Variants in GPHN observed in about 807,000 individuals in gnomAD.
The protein encoded by GPHN is gephyrin.
In GPHN, 17 loss-of-function variants were observed where a neutral mutation model predicts 95.5. The ratio of observed to expected loss-of-function variants is 0.18; its 90% confidence interval spans 0.12 to 0.27. GPHN has a LOEUF of 0.27. Among genes scored for constraint, GPHN ranks in the 10% least tolerant of loss-of-function variants. GPHN has a pLI of 1.00. For synonymous variants in GPHN, 320 were observed against 322.5 expected, an observed-to-expected ratio of 0.99 and a Z score of 0.08; for missense variants, 660 against 978.1, an observed-to-expected ratio of 0.67 and a Z score of 4.34.
the GPHN span, among the ~76,000 whole-genome samples, chr14:67,521,253 A>G: frequency 6.6e-6 from 1 of 152,270 alleles, no homozygotes. Context: ...TTACAAAGTC[A>G]GACTTCTGTA....
chr14:67,144,796 C>T (rs1260405663), intron 18 of GPHN, among the ~76,000 whole-genome samples: 2 of 152,182 alleles, frequency 1.3e-5, no homozygotes, highest in African/African-American at 4.8e-5. Context: ...AGAAGAATGC[C>T]TGCCTTCCAT....
At chr14:66,567,436 A>G (rs1407062740) in intron 1 of GPHN, among the ~76,000 whole-genome samples, 1 of 152,208 alleles carries the variant, frequency 6.6e-6, no homozygotes, top group Non-Finnish European at 1.5e-5. Context: ...TGATAGATCT[A>G]GGATTGTTAT....
the GPHN span, among the ~76,000 whole-genome samples, chr14:67,464,548 T>C: frequency 6.6e-6 from 1 of 152,134 alleles, no homozygotes; most frequent in Non-Finnish European, 1.5e-5. Flanking sequence ...CAGCCTTTTA[T>C]CTGTACCTCA....
chr14:67,609,813 G>T, the GPHN span, among the ~76,000 whole-genome samples: 1 of 152,134 alleles, frequency 6.6e-6, no homozygotes, highest in African/African-American at 2.4e-5. Context: ...GTGGGGATCC[G>T]CTAGGGGCTG....
intron 1 of GPHN, among the ~76,000 whole-genome samples, chr14:66,542,620 A>G (rs1233046753): frequency 6.6e-6 from 1 of 152,134 alleles, no homozygotes. Flanking sequence ...CTATGTCATA[A>G]AGTTTTTTCA....
At chr14:67,028,040 C>T (rs1323216318) in intron 10 of GPHN, among the ~76,000 whole-genome samples, 2 of 152,098 alleles carry the variant, frequency 1.3e-5, no homozygotes, top group Non-Finnish European at 2.9e-5. Flanking sequence ...CCACACCATC[C>T]TTCCCAGCCT....
intron 8 of GPHN, among the ~76,000 whole-genome samples, chr14:66,957,813 C>T (rs1396445980): frequency 3.9e-5 from 6 of 152,132 alleles, no homozygotes; most frequent in Non-Finnish European, 7.3e-5. Flanking sequence ...TGAGCAGCAG[C>T]GGGCAAGCAA....
the GPHN span, among the ~76,000 whole-genome samples, chr14:67,725,474 A>C: frequency 6.6e-6 from 1 of 152,198 alleles, no homozygotes; most frequent in African/African-American, 2.4e-5. Context: ...GGAATGTCGG[A>C]GGTGTTAGCT....
intron 18 of GPHN, among the ~76,000 whole-genome samples, chr14:67,148,081 G>A (rs1193702971): frequency 3.9e-5 from 6 of 152,130 alleles, no homozygotes; most frequent in African/African-American, 1.2e-4. Flanking sequence ...ATGAAGACCT[G>A]AGAAACTACT....
rs1406008173 is a variant in GPHN, at chr14:66,886,450, A to G, written c.389+6417A>G. 3.9e-5 allele frequency among the ~76,000 whole-genome samples: 6 copies of G among 152,144 alleles called. No individual in the cohort carries two copies. The East Asian group carries it at 9.6e-4, about 24-fold the overall frequency. The stretch of plus-strand genomic sequence containing the variant: ...CTCTCTGCACATGTTCATCATGACA[A>G]TGTACTCAGGAGTTCTAAGTCATGA... On this transcript the variant is annotated intron_variant, in intron 5 of 22. Transcript: ENST00000478722.
chr14:67,327,132 G>A, the GPHN span, among the ~76,000 whole-genome samples: 6 of 152,148 alleles, frequency 3.9e-5, no homozygotes, highest in East Asian at 3.9e-4. Context: ...CCGGGATTGC[G>A]CCACTGCACT....
intron 8 of GPHN, among the ~76,000 whole-genome samples, chr14:66,944,135 G>T (rs566178994): frequency 5.9e-5 from 9 of 152,136 alleles, no homozygotes; most frequent in African/African-American, 2.2e-4. Flanking sequence ...TAATTAAGCC[G>T]AGCACTCTTT....
chr14:66,904,234 A>T (rs907006453), intron 5 of GPHN, among the ~76,000 whole-genome samples: 2 of 152,124 alleles, frequency 1.3e-5, no homozygotes, highest in Admixed American at 1.3e-4. Flanking sequence ...GAGTATAAGA[A>T]CAAACCTTCC....
chr14:67,255,948 A>G, the GPHN span, among the ~76,000 whole-genome samples: 3 of 152,210 alleles, frequency 2.0e-5, no homozygotes, highest in African/African-American at 7.2e-5. Context: ...TGGCCTCCCA[A>G]AGTGCTGGGA....
Position 66,994,034 on chromosome 14 carries a change from A to G in GPHN, c.963+28709A>G, listed in dbSNP as rs2071608472. Among the ~76,000 whole-genome samples the G allele has an allele frequency of 2.0e-5, 3 of 152,048 alleles. No individual in the cohort carries two copies. The South Asian group carries it at 6.2e-4, about 32-fold the overall frequency. On this transcript the variant is annotated intron_variant, in intron 9 of 22. Transcript: ENST00000478722. ...CTTTTCACTTTATTATTATTCTCTT[A>G]ATGTAGTTAGTCCAATTCTAAGGTT...
chr14:67,321,204 C>G, the GPHN span: 1 of 1,614,164 alleles, frequency 6.2e-7, no homozygotes. Context: ...AGCATAGATT[C>G]TGTACGGCAA....
intron 3 of GPHN, among the ~76,000 whole-genome samples, chr14:66,797,654 T>C (rs1367919034): frequency 6.6e-6 from 1 of 152,022 alleles, no homozygotes; most frequent in Non-Finnish European, 1.5e-5. Flanking sequence ...ATAAAAATGC[T>C]ACTGATTTTT....
At chr14:66,589,009 A>G (rs1391671386) in intron 1 of GPHN, among the ~76,000 whole-genome samples, 2 of 152,046 alleles carry the variant, frequency 1.3e-5, no homozygotes, top group African/African-American at 4.8e-5. Context: ...CACAAAGGGA[A>G]GGCCATCAGA....
At chr14:67,568,748 G>C in the GPHN span, among the ~76,000 whole-genome samples, 1 of 152,150 alleles carries the variant, frequency 6.6e-6, no homozygotes, top group African/African-American at 2.4e-5. Flanking sequence ...CTGGGGGTTA[G>C]ATCTTGAGAC....
Sources: allele counts gnomAD v4.1 joint callset (sites outside exome capture counted in the v4.1 genomes callset), GRCh38; gene constraint gnomAD v4.1.1; transcripts MANE v1.5; gene names NCBI Gene and HGNC (gene_info 2026-07-23, HGNC 2026-07-21).